GALNT2: variants seen among roughly 807,000 people sequenced by gnomAD.
The protein encoded by GALNT2 is polypeptide N-acetylgalactosaminyltransferase 2.
A neutral mutation model predicts 81.4 loss-of-function variants in GALNT2; 31 were observed. The observed-to-expected ratio is 0.38, with a 90% CI of 0.29 to 0.51. GALNT2 has a LOEUF of 0.51. Among genes scored for constraint, GALNT2 ranks in the 20% least tolerant of loss-of-function variants. The pLI, the probability that GALNT2 is intolerant of heterozygous loss-of-function variation, is 0.87. For synonymous variants in GALNT2, 303 were observed against 287.4 expected, an observed-to-expected ratio of 1.05 and a Z score of -0.55; for missense variants, 629 against 765.7, an observed-to-expected ratio of 0.82 and a Z score of 2.11.
chr1:230,165,905 G>A (rs1486128528), intron 1 of GALNT2, among the ~76,000 whole-genome samples: 2 of 152,228 alleles, frequency 1.3e-5, no homozygotes, highest in Non-Finnish European at 2.9e-5. Context: ...ATGTGAATGT[G>A]CTCCACTCAG....
At chr1:230,264,796 T>C (rs2102765982) in intron 13 of GALNT2, 1 of 153,946 alleles carries the variant, frequency 6.5e-6, no homozygotes, top group East Asian at 1.9e-4. Flanking sequence ...TGGCTGTGGC[T>C]TTGTTCACAT....
intron 2 of GALNT2, among the ~76,000 whole-genome samples, chr1:230,198,733 CAG>C (rs929175407): frequency 1.3e-5 from 2 of 152,136 alleles, no homozygotes; most frequent in Non-Finnish European, 2.9e-5. Flanking sequence ...TTTACTGAAT[CAG>C]GGGTTTCAAG....
chr1:230,275,557 C>CAT lies in GALNT2; in HGVS notation c.1560+1001_1560+1002dup, dbSNP rs1311968014. Among the ~76,000 whole-genome samples the CAT allele has an allele frequency of 1.3e-5, 2 of 150,904 alleles. No individual in the cohort carries two copies. Among genetic ancestry groups the CAT allele is most frequent in the Non-Finnish European group, 3.0e-5 (2 of 67,640 alleles). On this transcript the variant is annotated intron_variant, in intron 15 of 15. Coordinates refer to ENST00000366672, the MANE Select transcript of GALNT2 (RefSeq NM_004481.5). This position sits in a 1 kb window ranked among gnomAD's most constrained non-coding sequence, Gnocchi z 5.5. ...CATAGATATACATATATAAACGCCA[C>CAT]ATATATATACATATAAACACACCAT...
rs780797448 is a variant in GALNT2, at chr1:230,281,350, C to G, written c.*1892C>G. On this transcript the variant is annotated 3_prime_UTR_variant, in exon 16 of 16. Coordinates refer to ENST00000366672, the MANE Select transcript of GALNT2 (RefSeq NM_004481.5). The stretch of plus-strand genomic sequence containing the variant: ...GCCCCCACGCTGGAGTAACTCCGCA[C>G]GCTTCTGTCTTTCACGGTGGGCGCT... The G allele has an allele frequency of 6.6e-6, 1 of 152,220 alleles. No homozygotes were observed. The highest frequency in any genetic ancestry group is 1.5e-5 in the Non-Finnish European group (1 of 68,180). The allele number at this position is 152,220 out of a possible 1,614,324, so 9.4% of individuals were successfully genotyped here.
intron 11 of GALNT2, chr1:230,258,713 C>T (rs549150266): frequency 6.6e-6 from 1 of 152,272 alleles, no homozygotes; most frequent in South Asian, 2.1e-4. Flanking sequence ...CATTTTTGTT[C>T]TTTATTAAAA....
In GALNT2 at chr1:230,193,076, A is replaced by G. The variant is rs1439327287; in HGVS notation, c.221-10061A>G. Among the ~76,000 whole-genome samples, 1 of 152,214 alleles carries G rather than the reference A, an allele frequency of 6.6e-6. No homozygotes were observed. Among genetic ancestry groups the G allele is most frequent in the African/African-American group, 2.4e-5 (1 of 41,446 alleles). On this transcript the variant is annotated intron_variant, in intron 2 of 15. Transcript: ENST00000366672. This position sits in a 1 kb window ranked among gnomAD's most constrained non-coding sequence, Gnocchi z 4.3. ...ATTCAATTTGAGATCAACCAAATAA[A>G]TCTGAGAGCCTTGTCCTTTGATATT...
At chr1:230,255,723 G>A (rs1250493957) in intron 11 of GALNT2, among the ~76,000 whole-genome samples, 1 of 152,158 alleles carries the variant, frequency 6.6e-6, no homozygotes, top group African/African-American at 2.4e-5. Context: ...TCTGTCTCCT[G>A]GTTGTGGTGG....
intron 1 of GALNT2, among the ~76,000 whole-genome samples, chr1:230,170,150 G>C (rs957197495): frequency 3.3e-5 from 5 of 152,200 alleles, no homozygotes; most frequent in Admixed American, 2.0e-4. Context: ...TCTTGCCTAA[G>C]TAGAGGTTTT....
chr1:230,145,328 T>C (rs59861395), intron 1 of GALNT2, among the ~76,000 whole-genome samples: 1,558 of 152,314 alleles, frequency 0.01, 28 homozygotes, highest in African/African-American at 0.036. Context: ...TTTGTGGGGT[T>C]TCCTGGCCAG....
chr1:230,090,672 TA>T (rs1660043668), intron 1 of GALNT2, among the ~76,000 whole-genome samples: 1 of 152,246 alleles, frequency 6.6e-6, no homozygotes, highest in Non-Finnish European at 1.5e-5. Flanking sequence ...TGAAGGTTTC[TA>T]TCTGTGTTTT....
intron 2 of GALNT2, among the ~76,000 whole-genome samples, chr1:230,183,556 A>G (rs1167906499): frequency 6.6e-6 from 1 of 152,236 alleles, no homozygotes; most frequent in Admixed American, 6.5e-5. Flanking sequence ...CCCATCACTT[A>G]TATCATTGCT....
rs1665765058 is a variant in GALNT2, at chr1:230,257,957, C to T, written c.1136+2613C>T. 6.6e-6 allele frequency among the ~76,000 whole-genome samples: 1 copy of T among 152,182 alleles called. No individual in the cohort carries two copies. The highest frequency in any genetic ancestry group is 1.5e-5 in the Non-Finnish European group (1 of 68,032). On this transcript the variant is annotated intron_variant, in intron 11 of 15. Transcript: ENST00000366672. This position sits in a 1 kb window ranked among gnomAD's most constrained non-coding sequence, Gnocchi z 4.6. ...TGAGACAGAGTCTTGCTCTGTTGCC[C>T]AGGCTGGAGTGCAAAGGTGCGATCT...
chr1:230,171,586 C>A (rs6541299), intron 1 of GALNT2, among the ~76,000 whole-genome samples: 3 of 152,078 alleles, frequency 2.0e-5, no homozygotes, highest in Non-Finnish European at 4.4e-5. Context: ...TATATTTCAG[C>A]AAGCAGAGAT....
chr1:230,098,649 G>C (rs1660318239), intron 1 of GALNT2, among the ~76,000 whole-genome samples: 2 of 152,068 alleles, frequency 1.3e-5, no homozygotes, highest in Non-Finnish European at 2.9e-5. Context: ...TGGTTCCAAA[G>C]GGATACGTAG....
chr1:230,273,707 C>T (rs1666211355), intron 14 of GALNT2, among the ~76,000 whole-genome samples: 1 of 152,144 alleles, frequency 6.6e-6, no homozygotes, highest in Admixed American at 6.5e-5. Context: ...TTGTTAACAT[C>T]ATGGTGTGTT....
chr1:230,106,628 G>A lies in GALNT2; in HGVS notation c.126+39222G>A, dbSNP rs117005259. On this transcript the variant is annotated intron_variant, in intron 1 of 15. Transcript: ENST00000366672. ...ATAATTATGGAGCATTTGCTGTATGGCAGGCATTCGTAAGAGTGCATTTGT... is the reference window on the plus strand; with the variant it reads ...ATAATTATGGAGCATTTGCTGTATGACAGGCATTCGTAAGAGTGCATTTGT... Among the ~76,000 whole-genome samples, 39 of 152,306 alleles carry A rather than the reference G, an allele frequency of 2.6e-4. No individual in the cohort carries two copies. In the East Asian group the frequency reaches 7.1e-3, roughly 28 times the overall value.
At chr1:230,078,756 C>A (rs1027048236) in intron 1 of GALNT2, among the ~76,000 whole-genome samples, 1 of 151,612 alleles carries the variant, frequency 6.6e-6, no homozygotes, top group Non-Finnish European at 1.5e-5. Flanking sequence ...CCCGGTGGAC[C>A]AAAGACCCTG....
At chr1:230,269,097 C>T (rs930665593) in intron 14 of GALNT2, among the ~76,000 whole-genome samples, 3 of 152,136 alleles carry the variant, frequency 2.0e-5, no homozygotes, top group African/African-American at 4.8e-5. Flanking sequence ...CACTCTCTGT[C>T]CCCCTCCAAT....
intron 1 of GALNT2, among the ~76,000 whole-genome samples, chr1:230,139,216 C>A (rs551315831): frequency 6.6e-6 from 1 of 152,206 alleles, no homozygotes; most frequent in Non-Finnish European, 1.5e-5. Flanking sequence ...CTAATAATCC[C>A]CATTTCAGAG....
Sources: allele counts gnomAD v4.1 joint callset (sites outside exome capture counted in the v4.1 genomes callset), GRCh38; gene constraint gnomAD v4.1.1; non-coding constraint Gnocchi (gnomAD v3.1); transcripts MANE v1.5; gene names NCBI Gene and HGNC (gene_info 2026-07-23, HGNC 2026-07-21).